The following CHIC2 variants were observed in gnomAD, a reference collection of about 807,000 sequenced individuals.
The protein encoded by CHIC2 is cysteine rich hydrophobic domain 2, also known as cysteine-rich hydrophobic domain-containing protein 2.
A neutral mutation model predicts 25.9 loss-of-function variants in CHIC2; 14 were observed. The ratio of observed to expected loss-of-function variants is 0.54; its 90% confidence interval spans 0.36 to 0.85. The LOEUF is 0.85. Ranked by LOEUF, CHIC2 falls within the 40% of genes least tolerant of loss-of-function variation. CHIC2 has a pLI of 0.01. For missense variants in CHIC2, 146 were observed against 202.0 expected, an observed-to-expected ratio of 0.72 and a Z score of 1.68; for synonymous variants, 70 against 72.0, an observed-to-expected ratio of 0.97 and a Z score of 0.14.
At chr4:54,043,892 C>T (rs1180666811) in intron 3 of CHIC2, among the ~76,000 whole-genome samples, 1 of 152,150 alleles carries the variant, frequency 6.6e-6, no homozygotes, top group Non-Finnish European at 1.5e-5. Context: ...CATCAGTGTG[C>T]TGTATTCAGG....
intron 3 of CHIC2, among the ~76,000 whole-genome samples, chr4:54,038,011 AG>A (rs1716446124): frequency 6.6e-6 from 1 of 152,130 alleles, no homozygotes; most frequent in Admixed American, 6.5e-5. Flanking sequence ...AGCAAGGAGA[AG>A]AAATAATAAA....
At chr4:54,012,767 A>C (rs1480620575) in intron 5 of CHIC2, among the ~76,000 whole-genome samples, 3 of 152,152 alleles carry the variant, frequency 2.0e-5, no homozygotes, top group African/African-American at 7.2e-5. Context: ...TGATGTAGTA[A>C]AGATAAAATC....
intron 3 of CHIC2, among the ~76,000 whole-genome samples, chr4:54,044,137 C>T (rs1716692264): frequency 6.6e-6 from 1 of 152,126 alleles, no homozygotes; most frequent in African/African-American, 2.4e-5. Context: ...AATACAGGAG[C>T]ACCCAGACTC....
the CHIC2 span, among the ~76,000 whole-genome samples, chr4:54,084,493 C>CA: frequency 0.42 from 62,155 of 147,492 alleles, 13,637 homozygotes; most frequent in African/African-American, 0.58. Flanking sequence ...AGAAAAATTA[C>CA]AAAAAAAAAA....
In CHIC2 at chr4:54,011,931, G is replaced by C. The variant is rs1715606050; in HGVS notation, c.448-1786C>G. 2.0e-5 allele frequency among the ~76,000 whole-genome samples: 3 copies of C among 151,780 alleles called. No homozygotes were observed. The South Asian group carries it at 6.2e-4, about 32-fold the overall frequency. ...TCCTGTAAGTTAAAGAAAAGTTGAA[G>C]AAAAGAGGGACACATGGTTAAAAAG... On this transcript the variant is annotated intron_variant, in intron 5 of 5. Transcript: ENST00000263921.
In CHIC2 at chr4:54,045,134, C is replaced by A. The variant is rs185365572; in HGVS notation, c.330+3821G>T. On this transcript the variant is annotated intron_variant, in intron 3 of 5. Transcript: ENST00000263921. ...AATGTCTGAATAGACCAATAACAGG[C>A]TCTGAAATTGAGGCAATAATTAGTA... is the stretch of plus-strand genomic sequence containing the variant. 1.6e-3 allele frequency among the ~76,000 whole-genome samples: 249 copies of A among 152,204 alleles called. 3 individuals carry two copies. The highest frequency in any genetic ancestry group is 5.8e-4 in the East Asian group (3 of 5,174).
At chr4:54,044,561 G>A (rs1241335355) in intron 3 of CHIC2, among the ~76,000 whole-genome samples, 3 of 151,604 alleles carry the variant, frequency 2.0e-5, no homozygotes, top group Admixed American at 1.3e-4. Context: ...GGTACATAAT[G>A]AAATGAAGGC....
intron 3 of CHIC2, among the ~76,000 whole-genome samples, chr4:54,037,947 A>T (rs1028039953): frequency 1.3e-5 from 2 of 152,116 alleles, no homozygotes; most frequent in African/African-American, 4.8e-5. Flanking sequence ...AAGAAAAGAC[A>T]AATCAATGAC....
At chr4:54,067,385 A>C (rs1310874534), upstream of CHIC2, among the ~76,000 whole-genome samples, 1 of 151,848 alleles carries the variant, frequency 6.6e-6, no homozygotes, top group Non-Finnish European at 1.5e-5. Context: ...GGGACCTAGG[A>C]AGAAGGCCAA....
chr4:54,013,987 G>C, intron 4 of CHIC2, 76 bp downstream of exon 4: 1 of 1,597,528 alleles, frequency 6.3e-7, no homozygotes. Context: ...CATATTTTTA[G>C]TTCAACAAAA....
At chr4:54,060,152 G>C (rs1175226221) in intron 1 of CHIC2, 1 of 152,114 alleles carries the variant, frequency 6.6e-6, no homozygotes, top group African/African-American at 2.4e-5. Context: ...CCATTTGAAA[G>C]ATCAATAAAC....
At chr4:54,035,990 AT>A (rs1430054851) in intron 3 of CHIC2, among the ~76,000 whole-genome samples, 1 of 152,104 alleles carries the variant, frequency 6.6e-6, no homozygotes, top group Non-Finnish European at 1.5e-5. Flanking sequence ...TAGCTTTCAA[AT>A]ATTTGGGAAT....
At position 54,032,511 on chromosome 4, in the gene CHIC2, G is replaced by A. The variant is rs547430309; in HGVS notation, c.330+16444C>T. Among the ~76,000 whole-genome samples, 6 of 152,246 alleles carry A rather than the reference G, an allele frequency of 3.9e-5. No individual in the cohort carries two copies. The South Asian group carries it at 1.2e-3, about 32-fold the overall frequency. On this transcript the variant is annotated intron_variant, in intron 3 of 5. Transcript: ENST00000263921. ...TCCAGCTCCTAACCGCGAGTGATCC[G>A]CCAGCCTCGGCCTCCCGAGGTGCCG...
the CHIC2 span, among the ~76,000 whole-genome samples, chr4:54,084,959 CAAAAA>C: frequency 8.5e-5 from 5 of 58,926 alleles, no homozygotes; most frequent in African/African-American, 2.1e-4. Flanking sequence ...TGCTCTGTCT[CAAAAA>C]AAAAAAAAAA....
upstream of CHIC2, among the ~76,000 whole-genome samples, chr4:54,068,505 T>A (rs1460624848): frequency 6.6e-6 from 1 of 151,564 alleles, no homozygotes; most frequent in Non-Finnish European, 1.5e-5. Flanking sequence ...AATAAATGTT[T>A]GTTTATAAGT....
intron 3 of CHIC2, among the ~76,000 whole-genome samples, chr4:54,033,179 T>C (rs1193060409): frequency 6.6e-6 from 1 of 152,188 alleles, no homozygotes; most frequent in African/African-American, 2.4e-5. Flanking sequence ...TTATCCAGTC[T>C]CAGGTATTTC....
At chr4:54,090,633 C>T in the CHIC2 span, among the ~76,000 whole-genome samples, 1 of 152,158 alleles carries the variant, frequency 6.6e-6, no homozygotes, top group Admixed American at 6.5e-5. Context: ...TAAGTATGTG[C>T]AAGGCGTTGT....
chr4:54,080,980 AT>A, the CHIC2 span, among the ~76,000 whole-genome samples: 1 of 122,062 alleles, frequency 8.2e-6, no homozygotes, highest in Admixed American at 8.2e-5. Context: ...ATATATATAT[AT>A]ATATAAAATC....
intron 5 of CHIC2, among the ~76,000 whole-genome samples, chr4:54,013,326 CTTACTT>C (rs1174771882): frequency 1.3e-5 from 2 of 151,988 alleles, no homozygotes; most frequent in Non-Finnish European, 2.9e-5. Context: ...TCATCTCCTG[CTTACTT>C]TTAATTTTTA....
Sources: allele counts gnomAD v4.1 joint callset (sites outside exome capture counted in the v4.1 genomes callset), GRCh38; gene constraint gnomAD v4.1.1; transcripts MANE v1.5; gene names NCBI Gene and HGNC (gene_info 2026-07-23, HGNC 2026-07-21).